The following PCDH15 variants were observed in gnomAD, a reference collection of about 807,000 sequenced individuals.
PCDH15 encodes protocadherin-15.
PCDH15 carries 129 observed loss-of-function variants against 178.5 expected under a neutral mutation model. That is an observed-to-expected ratio of 0.72 (90% CI 0.63 to 0.84). The LOEUF is 0.84. Ranked by LOEUF, PCDH15 falls within the 40% of genes least tolerant of loss-of-function variation. The pLI is 0.00. For missense variants in PCDH15, 2,230 were observed against 2,099.9 expected (o/e 1.06, Z -1.21); for synonymous variants, 800 against 732.0 (o/e 1.09, Z -1.50).
rs1841029898 is a variant in PCDH15, at chr10:53,804,304, T to C, written c.*2275A>G. ...GCATATTTTCTCATAAAAAATGTAGTTTAAAATACAGTGACATCTCATATG... is the reference window on the plus strand; with the variant it reads ...GCATATTTTCTCATAAAAAATGTAGCTTAAAATACAGTGACATCTCATATG... On this transcript the variant is annotated 3_prime_UTR_variant, in exon 38 of 38. Transcript: ENST00000644397. 1 of 151,956 alleles carries C rather than the reference T, an allele frequency of 6.6e-6. No homozygotes were observed. 9.4% of individuals were successfully genotyped at this position (151,956 alleles called of 1,614,324 possible).
intron 32 of PCDH15, among the ~76,000 whole-genome samples, chr10:53,823,941 T>C (rs7921876): frequency 0.036 from 5,548 of 152,258 alleles, 319 homozygotes; most frequent in African/African-American, 0.12. Flanking sequence ...ATTGAATGTA[T>C]GCTAGAATTG....
intron 2 of PCDH15, among the ~76,000 whole-genome samples, chr10:55,438,491 T>C (rs907789915): frequency 1.3e-5 from 2 of 152,124 alleles, no homozygotes; most frequent in African/African-American, 4.8e-5. Flanking sequence ...TAAAGTAATA[T>C]ATTTATACTC....
intron 1 of PCDH15, among the ~76,000 whole-genome samples, chr10:55,255,193 A>G (rs534030224): frequency 2.0e-5 from 3 of 150,998 alleles, no homozygotes; most frequent in East Asian, 2.0e-4. Flanking sequence ...ATGAGTTAGA[A>G]CATGCGGTGT....
intron 1 of PCDH15, among the ~76,000 whole-genome samples, chr10:54,766,562 C>A (rs1948534729): frequency 6.6e-6 from 1 of 151,478 alleles, no homozygotes; most frequent in African/African-American, 2.4e-5. Context: ...AAAAGGAGTT[C>A]CTTTCTCTAA....
At chr10:54,077,817 C>T (rs1464357809) in intron 17 of PCDH15, among the ~76,000 whole-genome samples, 2 of 152,182 alleles carry the variant, frequency 1.3e-5, no homozygotes, top group Non-Finnish European at 2.9e-5. Flanking sequence ...AACCCCAGCA[C>T]TTTGGGAGGC....
intron 13 of PCDH15, among the ~76,000 whole-genome samples, chr10:54,168,941 C>G (rs61858443): frequency 0.4 from 60,992 of 151,244 alleles, 12,818 homozygotes; most frequent in Middle Eastern, 0.5. Context: ...CAAACCCCAG[C>G]CACATCTCCA....
chr10:53,999,435 G>T (rs778533809), intron 20 of PCDH15, among the ~76,000 whole-genome samples: 1 of 151,946 alleles, frequency 6.6e-6, no homozygotes, highest in African/African-American at 2.4e-5. Flanking sequence ...TGTCTTTACT[G>T]ACTTATTTCC....
chr10:54,620,359 T>C (rs924100614), intron 2 of PCDH15, among the ~76,000 whole-genome samples: 2 of 152,106 alleles, frequency 1.3e-5, no homozygotes, highest in African/African-American at 4.8e-5. Context: ...ATGGATTTAA[T>C]ATATCAGATG....
chr10:54,447,816 C>T (rs2136244133), intron 3 of PCDH15, among the ~76,000 whole-genome samples: 1 of 151,716 alleles, frequency 6.6e-6, no homozygotes, highest in Non-Finnish European at 1.5e-5. Context: ...AAAAGGATAA[C>T]CAATCAATAT....
At chr10:54,452,633 C>A (rs1160635874) in intron 3 of PCDH15, 1 of 151,894 alleles carries the variant, frequency 6.6e-6, no homozygotes, top group Admixed American at 6.6e-5. Context: ...TTTTACTTCT[C>A]GTCTTCCATT....
chr10:54,027,410 T>G (rs893086422), intron 18 of PCDH15, among the ~76,000 whole-genome samples: 11 of 152,214 alleles, frequency 7.2e-5, no homozygotes, highest in Non-Finnish European at 1.6e-4. Context: ...AAGCTACCAA[T>G]GCCTTTCTTC....
At chr10:54,707,128 G>C (rs1378694569) in intron 1 of PCDH15, among the ~76,000 whole-genome samples, 2 of 152,086 alleles carry the variant, frequency 1.3e-5, no homozygotes, top group African/African-American at 4.8e-5. Flanking sequence ...AATGAAACTG[G>C]ACCATGGACT....
chr10:54,432,096 C>T (rs79582340), intron 3 of PCDH15, among the ~76,000 whole-genome samples: 8,536 of 151,946 alleles, frequency 0.056, 326 homozygotes, highest in Admixed American at 0.12. Flanking sequence ...GAAAGATATT[C>T]CATGTTCATA....
intron 2 of PCDH15, among the ~76,000 whole-genome samples, chr10:54,954,024 C>A (rs1468881946): frequency 6.6e-6 from 1 of 150,976 alleles, no homozygotes; most frequent in Non-Finnish European, 1.5e-5. Flanking sequence ...GGGAGGGAAG[C>A]CAAATATTTA....
intron 2 of PCDH15, among the ~76,000 whole-genome samples, chr10:54,657,715 G>C (rs2094432216): frequency 6.6e-6 from 1 of 152,100 alleles, no homozygotes; most frequent in South Asian, 2.1e-4. Flanking sequence ...AAAAATAAAT[G>C]ATAGAAAATT....
intron 1 of PCDH15, among the ~76,000 whole-genome samples, chr10:54,786,638 T>G (rs550418689): frequency 3.3e-5 from 5 of 152,110 alleles, no homozygotes; most frequent in African/African-American, 1.2e-4. Flanking sequence ...AGATACGTTT[T>G]TATTAAAGCA....
intron 28 of PCDH15, among the ~76,000 whole-genome samples, chr10:53,851,700 A>C (rs1589092620): frequency 2.0e-5 from 1 of 49,412 alleles, no homozygotes; most frequent in Non-Finnish European, 4.2e-5. Flanking sequence ...ATATATATAT[A>C]TATATATATA....
chr10:54,794,831 C>T (rs1372992115), intron 1 of PCDH15, among the ~76,000 whole-genome samples: 1 of 151,840 alleles, frequency 6.6e-6, no homozygotes, highest in African/African-American at 2.4e-5. Context: ...CTCTTGCATT[C>T]ATTCCTAGAT....
intron 18 of PCDH15, among the ~76,000 whole-genome samples, chr10:54,055,510 G>C (rs554180461): frequency 1.1e-4 from 16 of 152,102 alleles, no homozygotes; most frequent in Non-Finnish European, 1.8e-4. Context: ...ATGCATTTGT[G>C]CAAGCATTTA....
Sources: gnomAD v4.1 joint callset for allele counts (sites outside exome capture counted in the v4.1 genomes callset) on GRCh38, gnomAD v4.1.1 for gene constraint, MANE v1.5 for transcripts, NCBI Gene and HGNC (gene_info 2026-07-23, HGNC 2026-07-21) for gene names.